The following OPCML variants were observed in gnomAD, a reference collection of about 807,000 sequenced individuals.
The protein encoded by OPCML is opioid-binding protein/cell adhesion molecule.
In OPCML, 13 loss-of-function variants were observed where a neutral mutation model predicts 37.8. That is an observed-to-expected ratio of 0.34 (90% CI 0.22 to 0.55). The LOEUF (loss-of-function observed/expected upper bound fraction) is 0.55, where lower values mean the gene tolerates loss of function less well. OPCML is among the 20% of genes least tolerant of loss of function. The probability of loss-of-function intolerance (pLI) is 0.91; values close to 1 mark genes in which losing one functional copy is unlikely to be tolerated. For synonymous variants in OPCML, 176 were observed against 168.8 expected (o/e 1.04, Z -0.33); for missense variants, 341 against 435.6 (o/e 0.78, Z 1.93).
intron 1 of OPCML, among the ~76,000 whole-genome samples, chr11:133,186,267 G>A (rs1448919637): frequency 6.6e-6 from 1 of 152,050 alleles, no homozygotes; most frequent in Non-Finnish European, 1.5e-5. Flanking sequence ...TACACATCAG[G>A]GATACAATAG....
At chr11:133,489,763 A>G (rs1292762273) in intron 1 of OPCML, among the ~76,000 whole-genome samples, 1 of 152,126 alleles carries the variant, frequency 6.6e-6, no homozygotes, top group African/African-American at 2.4e-5. Context: ...TATTTACAAT[A>G]GCAAAGTTAT....
chr11:133,163,884 C>G (rs1335942472), intron 1 of OPCML, among the ~76,000 whole-genome samples: 1 of 152,344 alleles, frequency 6.6e-6, no homozygotes, highest in South Asian at 2.1e-4. Context: ...ACCAGACTTT[C>G]ATTAGAAATC....
intron 1 of OPCML, among the ~76,000 whole-genome samples, chr11:133,454,687 T>C (rs1425341913): frequency 1.3e-5 from 2 of 152,196 alleles, no homozygotes; most frequent in African/African-American, 2.4e-5. Flanking sequence ...AGCAAATTAT[T>C]AGTATTCTGA....
At chr11:132,468,410 T>C (rs905154422) in intron 4 of OPCML, among the ~76,000 whole-genome samples, 5 of 152,248 alleles carry the variant, frequency 3.3e-5, no homozygotes, top group African/African-American at 1.2e-4. Context: ...TTAGTTGTTT[T>C]CATTTTTCAT....
intron 2 of OPCML, among the ~76,000 whole-genome samples, chr11:132,665,274 G>A (rs1942169023): frequency 6.6e-6 from 1 of 152,206 alleles, no homozygotes; most frequent in African/African-American, 2.4e-5. Context: ...GGATGATAAT[G>A]TGCTGCACTT....
chr11:132,688,821 G>A lies in OPCML; in HGVS notation c.147-31502C>T, dbSNP rs1390565836. On this transcript the variant is annotated intron_variant, in intron 2 of 7. Coordinates refer to ENST00000524381, the MANE Select transcript of OPCML (RefSeq NM_001012393.5). ...AAAAATTAGCCGGGCGCGGTGGCGG[G>A]CGCCTGTAGTCCCAGCTACTCGGGA... Among the ~76,000 whole-genome samples, 5 of 92,178 alleles carry A rather than the reference G, an allele frequency of 5.4e-5. 1 individual carries two copies. In the East Asian group the frequency reaches 1.5e-3, roughly 27 times the overall value. 60.5% of individuals were successfully genotyped at this position (92,178 alleles called of 152,430 possible).
chr11:132,858,418 C>T (rs1041054320), intron 2 of OPCML, among the ~76,000 whole-genome samples: 1 of 152,212 alleles, frequency 6.6e-6, no homozygotes, highest in African/African-American at 2.4e-5. Flanking sequence ...CCCTCCCTTG[C>T]TCTGCCTGCA....
intron 1 of OPCML, among the ~76,000 whole-genome samples, chr11:133,229,611 T>C (rs1369501590): frequency 8.6e-5 from 13 of 152,034 alleles, no homozygotes; most frequent in African/African-American, 2.9e-4. Context: ...AAAAATTGTA[T>C]GCTGAGGTTA....
intron 1 of OPCML, among the ~76,000 whole-genome samples, chr11:133,106,891 T>C (rs1949167238): frequency 6.6e-6 from 1 of 152,152 alleles, no homozygotes; most frequent in South Asian, 2.1e-4. Flanking sequence ...CAAGGTAAAA[T>C]AGACTGCAGA....
chr11:132,439,548 G>A (rs1216683041), intron 4 of OPCML, among the ~76,000 whole-genome samples: 1 of 152,048 alleles, frequency 6.6e-6, no homozygotes, highest in Non-Finnish European at 1.5e-5. Context: ...TTTCTCTATA[G>A]GCTAACAGAA....
At chr11:132,549,241 A>C (rs567248048) in intron 3 of OPCML, among the ~76,000 whole-genome samples, 1 of 152,324 alleles carries the variant, frequency 6.6e-6, no homozygotes, top group African/African-American at 2.4e-5. Flanking sequence ...TTAGCATGCT[A>C]AAAGACACTC....
At chr11:132,953,728 G>A (rs930485035) in intron 1 of OPCML, among the ~76,000 whole-genome samples, 2 of 152,156 alleles carry the variant, frequency 1.3e-5, no homozygotes, top group African/African-American at 2.4e-5. Context: ...AGAGAATGCC[G>A]CTGGAGGTAG....
intron 1 of OPCML, among the ~76,000 whole-genome samples, chr11:133,163,719 C>T (rs1950174002): frequency 6.6e-6 from 1 of 152,198 alleles, no homozygotes; most frequent in African/African-American, 2.4e-5. Context: ...CTCTCCCACC[C>T]ACTTTTTAAC....
chr11:133,282,009 GAAC>G (rs1234111232), intron 1 of OPCML, among the ~76,000 whole-genome samples: 5 of 149,660 alleles, frequency 3.3e-5, no homozygotes, highest in South Asian at 2.1e-4. Context: ...TCAGGTTTGG[GAAC>G]AACAACAACA....
At position 133,274,737 on chromosome 11, in the gene OPCML, C is replaced by T. The variant is rs138568774; in HGVS notation, c.61+257527G>A. Among the ~76,000 whole-genome samples, 225 of 152,316 alleles carry T rather than the reference C, an allele frequency of 1.5e-3. 5 individuals are homozygous for T. The highest frequency in any genetic ancestry group is 0.01 in the Middle Eastern group (3 of 294). On this transcript the variant is annotated intron_variant, in intron 1 of 7. Transcript: ENST00000524381. Reference sequence around the variant, plus strand: ...TCCAGTTGACCCTACGGCCAGGCGGCCTCTATGTTACCATCCCATCTTCAG... The same window carrying T: ...TCCAGTTGACCCTACGGCCAGGCGGTCTCTATGTTACCATCCCATCTTCAG...
chr11:132,428,340 T>C lies in OPCML; in HGVS notation c.916+7746A>G, dbSNP rs556202056. On this transcript the variant is annotated intron_variant, in intron 7 of 7. Transcript: ENST00000524381. ...TAGAGGCTATAACTGATGCCCTCAT[T>C]GGCTGGAAGATATATTTATTAATTC... Among the ~76,000 whole-genome samples the C allele has an allele frequency of 1.3e-3, 201 of 152,344 alleles. 3 individuals are homozygous for C. The highest frequency in any genetic ancestry group is 3.2e-3 in the Admixed American group (49 of 15,308).
intron 1 of OPCML, among the ~76,000 whole-genome samples, chr11:133,497,107 T>A (rs955815902): frequency 2.0e-5 from 3 of 152,208 alleles, no homozygotes; most frequent in Admixed American, 6.5e-5. Flanking sequence ...GTTTTAATCA[T>A]AAAGGGATGC....
intron 3 of OPCML, among the ~76,000 whole-genome samples, chr11:132,559,323 TG>T (rs897991707): frequency 6.6e-6 from 1 of 152,012 alleles, no homozygotes; most frequent in African/African-American, 2.4e-5. Context: ...TTGATGTTTT[TG>T]TGGGGCAAAA....
intron 2 of OPCML, among the ~76,000 whole-genome samples, chr11:132,882,177 C>T (rs1565934327): frequency 6.6e-6 from 1 of 152,196 alleles, no homozygotes; most frequent in Admixed American, 6.5e-5. Flanking sequence ...TAGAGTTGTA[C>T]ATTTTCTGTT....
Sources: allele counts gnomAD v4.1 joint callset (sites outside exome capture counted in the v4.1 genomes callset), GRCh38; gene constraint gnomAD v4.1.1; transcripts MANE v1.5; gene names NCBI Gene and HGNC (gene_info 2026-07-23, HGNC 2026-07-21).